LPIN2: variants seen among roughly 807,000 people sequenced by gnomAD.
LPIN2 encodes the protein phosphatidate phosphatase LPIN2.
In LPIN2, 55 loss-of-function variants were observed where a neutral mutation model predicts 111.4. The observed-to-expected ratio is 0.49, with a 90% CI of 0.40 to 0.62. The LOEUF is 0.62. Ranked by LOEUF, LPIN2 falls within the 20% of genes least tolerant of loss-of-function variation. The pLI, the probability that LPIN2 is intolerant of heterozygous loss-of-function variation, is 0.00. For synonymous variants in LPIN2, 425 were observed against 414.0 expected, an observed-to-expected ratio of 1.03 and a Z score of -0.32; for missense variants, 992 against 1,112.1, an observed-to-expected ratio of 0.89 and a Z score of 1.54.
chr18:2,992,858 C>T (rs1452611722), intron 1 of LPIN2, among the ~76,000 whole-genome samples: 2 of 151,320 alleles, frequency 1.3e-5, no homozygotes, highest in African/African-American at 2.4e-5. Flanking sequence ...TGGTGGCGGG[C>T]GCCTGTAGTC....
At chr18:3,002,336 G>C (rs191926344) in intron 1 of LPIN2, among the ~76,000 whole-genome samples, 68 of 150,522 alleles carry the variant, frequency 4.5e-4, no homozygotes, top group African/African-American at 1.6e-3. Flanking sequence ...AGTTTTATAA[G>C]CTAAGAAAAT....
rs371299772 is a variant in LPIN2 at position 2,960,785 on chromosome 18, T to C, written c.56A>G (p.Tyr19Cys). The change falls in exon 2 of 20, where the codon TAC (tyrosine) becomes TGC (cysteine). Residue 19 changes from tyrosine (Y) to cysteine (C), a missense_variant. By Grantham distance (194) the Tyr-to-Cys change is radical. Coordinates refer to ENST00000677752, the MANE Select transcript of LPIN2 (RefSeq NM_001375808.2). The part of the protein sequence containing the change: ...GQVIVTVKEL[Y>C]KGINQATLSG... ...GAGGGTGGCCTGGTTAATGCCCTTG[T>C]AGAGTTCCTTCACAGTGACAATCAC... is the stretch of plus-strand genomic sequence containing the variant. The C allele has an allele frequency of 6.1e-5, 99 of 1,614,032 alleles. No individual in the cohort carries two copies. The highest frequency in any genetic ancestry group is 7.7e-5 in the Non-Finnish European group (91 of 1,180,034).
At position 2,920,282 on chromosome 18, in the gene LPIN2, G is replaced by C. The variant is rs545457931; in HGVS notation, c.*11C>G. 1.2e-5 allele frequency: 19 copies of C among 1,613,966 alleles called. No homozygotes were observed. Among genetic ancestry groups the C allele is most frequent in the Non-Finnish European group, 1.6e-5 (19 of 1,180,036 alleles). On this transcript the variant is annotated 3_prime_UTR_variant, in exon 20 of 20. Coordinates refer to ENST00000677752, the MANE Select transcript of LPIN2 (RefSeq NM_001375808.2). ...GGGGACCAAGCCCTGCCCACCCACTGAGGTGCCGCCTCAAGACAGGTCATC... is the reference window on the plus strand; with the variant it reads ...GGGGACCAAGCCCTGCCCACCCACTCAGGTGCCGCCTCAAGACAGGTCATC...
chr18:3,002,548 T>C (rs1030058506), intron 1 of LPIN2, among the ~76,000 whole-genome samples: 15 of 152,182 alleles, frequency 9.9e-5, no homozygotes, highest in African/African-American at 3.6e-4. Flanking sequence ...ACAAAATTCA[T>C]GCAGCCATAG....
intron 1 of LPIN2, among the ~76,000 whole-genome samples, chr18:3,007,143 G>A (rs1190209702): frequency 3.3e-5 from 5 of 152,016 alleles, no homozygotes; most frequent in African/African-American, 4.8e-5. Context: ...TGTCAAATAG[G>A]TACCTATTAT....
chr18:2,937,597 A>G, intron 7 of LPIN2, 95 bp downstream of exon 7: 2 of 1,040,232 alleles, frequency 1.9e-6, no homozygotes, highest in Non-Finnish European at 2.9e-6. Context: ...ACTGGTGAAT[A>G]CAAATACAGA....
At chr18:3,001,806 A>C (rs961988980) in intron 1 of LPIN2, among the ~76,000 whole-genome samples, 8 of 152,210 alleles carry the variant, frequency 5.3e-5, no homozygotes, top group Non-Finnish European at 1.2e-4. Flanking sequence ...ATAAATACTT[A>C]AGATTTTAAA....
intron 1 of LPIN2, among the ~76,000 whole-genome samples, chr18:2,980,369 T>C (rs967341294): frequency 6.6e-6 from 1 of 152,152 alleles, no homozygotes; most frequent in South Asian, 2.1e-4. Flanking sequence ...ACACAGTTAG[T>C]TTTAGACTTG....
intron 1 of LPIN2, among the ~76,000 whole-genome samples, chr18:3,009,566 G>A (rs2078568274): frequency 1.3e-5 from 2 of 151,822 alleles, no homozygotes; most frequent in African/African-American, 4.8e-5. Context: ...AGCCTCCAGA[G>A]TAGCTGGGTC....
At chr18:2,987,604 G>A (rs1451417030) in intron 1 of LPIN2, among the ~76,000 whole-genome samples, 7 of 151,896 alleles carry the variant, frequency 4.6e-5, no homozygotes, top group African/African-American at 1.4e-4. Flanking sequence ...AGATTTTCTC[G>A]ACCACCTGAA....
chr18:2,945,035 C>T (rs943710883), intron 4 of LPIN2, among the ~76,000 whole-genome samples: 29 of 152,044 alleles, frequency 1.9e-4, no homozygotes. Context: ...AGAATTAATC[C>T]TCCTTAAAAA....
At chr18:2,984,626 A>G (rs1227621583) in intron 1 of LPIN2, among the ~76,000 whole-genome samples, 1 of 152,144 alleles carries the variant, frequency 6.6e-6, no homozygotes, top group Admixed American at 6.6e-5. Flanking sequence ...TAAAATGTAG[A>G]AGAGATGAGA....
At chr18:2,970,451 A>C (rs1037400123) in intron 1 of LPIN2, among the ~76,000 whole-genome samples, 1 of 152,260 alleles carries the variant, frequency 6.6e-6, no homozygotes, top group Admixed American at 6.5e-5. Context: ...GGGATGCAGA[A>C]GGCCCACCAG....
At chr18:3,009,043 G>GCTCA (rs759708161) in intron 1 of LPIN2, among the ~76,000 whole-genome samples, 2 of 152,216 alleles carry the variant, frequency 1.3e-5, no homozygotes, top group South Asian at 4.1e-4. Flanking sequence ...AAAGCAGGAG[G>GCTCA]CTCACTTGAC....
chr18:2,962,159 T>C (rs993158441), intron 1 of LPIN2, among the ~76,000 whole-genome samples: 13 of 152,276 alleles, frequency 8.5e-5, no homozygotes, highest in African/African-American at 3.1e-4. Context: ...TTCTAAATTG[T>C]TTCCTGTTCC....
rs2076991057 is a variant in LPIN2 at position 2,917,749 on chromosome 18, C to T, written c.*2544G>A. ...CAGACAGCAACTCACACGGGACGAG[C>T]TTCAGCACACAGACAGCAAAGCAAA... On this transcript the variant is annotated 3_prime_UTR_variant, in exon 20 of 20. Coordinates refer to ENST00000677752, the MANE Select transcript of LPIN2 (RefSeq NM_001375808.2). 6.6e-6 allele frequency: 1 copy of T among 152,342 alleles called. No individual in the cohort carries two copies. The highest frequency in any genetic ancestry group is 1.5e-5 in the Non-Finnish European group (1 of 68,092). 9.4% of individuals were successfully genotyped at this position (152,342 alleles called of 1,614,324 possible).
intron 10 of LPIN2, 42 bp downstream of exon 10, chr18:2,929,023 A>G: frequency 7.8e-7 from 1 of 1,289,770 alleles, no homozygotes; most frequent in Non-Finnish European, 1.1e-6. Context: ...TTGTAAAAAA[A>G]CTGCAAGAGT....
At chr18:2,945,397 C>G (rs114052666) in intron 4 of LPIN2, among the ~76,000 whole-genome samples, 3,731 of 152,280 alleles carry the variant, frequency 0.025, 153 homozygotes, top group African/African-American at 0.086. Context: ...AAAAGATAAA[C>G]TGACTTTGGC....
chr18:2,981,331 C>T (rs565820437), intron 1 of LPIN2, among the ~76,000 whole-genome samples: 24 of 152,310 alleles, frequency 1.6e-4, no homozygotes, highest in Admixed American at 5.2e-4. Flanking sequence ...TTATCCCAAA[C>T]GTTAGCATTA....
Sources: allele counts gnomAD v4.1 joint callset (sites outside exome capture counted in the v4.1 genomes callset), GRCh38; gene constraint gnomAD v4.1.1; transcripts MANE v1.5; gene names NCBI Gene and HGNC (gene_info 2026-07-23, HGNC 2026-07-21).